DNAH17: variants seen among roughly 807,000 people sequenced by gnomAD.
The protein encoded by DNAH17 is dynein axonemal heavy chain 17, also known as axonemal beta dynein heavy chain 17.
In DNAH17, 376 loss-of-function variants were observed where a neutral mutation model predicts 485.6. That is an observed-to-expected ratio of 0.77 (90% CI 0.71 to 0.84). DNAH17 has a LOEUF of 0.84. DNAH17 is among the 40% of genes least tolerant of loss of function. DNAH17 has a pLI of 0.00. For synonymous variants in DNAH17, 3,031 were observed against 2,405.9 expected, an observed-to-expected ratio of 1.26 and a Z score of -7.60; for missense variants, 6,370 against 5,839.3, an observed-to-expected ratio of 1.09 and a Z score of -2.96.
At chr17:78,491,098 C>G (rs1348596396) in intron 43 of DNAH17, among the ~76,000 whole-genome samples, 1 of 152,186 alleles carries the variant, frequency 6.6e-6, no homozygotes, top group Non-Finnish European at 1.5e-5. Flanking sequence ...CAAACCATCA[C>G]CCCTCCCCAT....
intron 55 of DNAH17, among the ~76,000 whole-genome samples, chr17:78,467,496 CA>C (rs1258684687): frequency 3.3e-5 from 5 of 152,320 alleles, no homozygotes; most frequent in South Asian, 2.1e-4. Flanking sequence ...CAGCACCTAT[CA>C]GGGGATGCCT....
chr17:78,426,003 T>G (rs2086440977), intron 79 of DNAH17, among the ~76,000 whole-genome samples: 1 of 152,178 alleles, frequency 6.6e-6, no homozygotes, highest in South Asian at 2.1e-4. Context: ...CTTCAAGTGA[T>G]CTGCCTGCCT....
intron 13 of DNAH17, among the ~76,000 whole-genome samples, chr17:78,558,652 G>A (rs946833654): frequency 2.0e-5 from 3 of 152,032 alleles, no homozygotes; most frequent in Admixed American, 6.5e-5. Flanking sequence ...CACCATGGGT[G>A]GCTGACATCA....
In DNAH17 at chr17:78,486,279, A is replaced by C; in HGVS notation, c.7046T>G (p.Leu2349Arg). The change falls in exon 45 of 81, where the codon CTG becomes CGG. Residue 2349 changes from leucine (L) to arginine (R), a missense_variant. Physicochemically the swap from Leu to Arg is moderately radical, Grantham distance 102. Transcript: ENST00000389840. ...PPDSPRELYE[L>R]YFVFTCFWAF... is the part of the protein sequence containing the mutation. ...CCAGAAGCAGGTGAACACGAAGTAC[A>C]GCTCGTACAGCTCCCTGGGGGAGTC... 6.2e-7 allele frequency: 1 copy of C among 1,609,046 alleles called. No homozygotes were observed. Among genetic ancestry groups the C allele is most frequent in the Non-Finnish European group, 8.5e-7 (1 of 1,176,230 alleles).
Position 78,475,819 on chromosome 17 carries a change from T to G in DNAH17, c.8169A>C (p.Glu2723Asp), listed in dbSNP as rs776191221. The change falls in exon 53 of 81, where the codon GAA (glutamate) becomes GAC (aspartate). Residue 2723 changes from glutamate to aspartate, a missense_variant. Coordinates refer to ENST00000389840, the MANE Select transcript of DNAH17 (RefSeq NM_173628.4). ...TKKFFDDLGD[E>D]LLFAKPNIFC... ...AGATATTTGGCTTGGCAAATAAGAG[T>G]TCATCACCAAGATCCTAGAAAAAGA... 3 of 1,612,302 alleles carry G rather than the reference T, an allele frequency of 1.9e-6. No homozygotes were observed. The highest frequency in any genetic ancestry group is 2.5e-6 in the Non-Finnish European group (3 of 1,179,390).
At chr17:78,483,934 T>TA (rs1177921881) in intron 48 of DNAH17, among the ~76,000 whole-genome samples, 1 of 151,308 alleles carries the variant, frequency 6.6e-6, no homozygotes, top group Non-Finnish European at 1.5e-5. Context: ...CCTTCTCTAC[T>TA]AAAAGTACAA....
chr17:78,565,356 C>T (rs2092245869), intron 11 of DNAH17, among the ~76,000 whole-genome samples: 2 of 152,240 alleles, frequency 1.3e-5, no homozygotes, highest in African/African-American at 4.8e-5. Flanking sequence ...CCAACTCGAT[C>T]CAAGACTTAC....
intron 77 of DNAH17, among the ~76,000 whole-genome samples, chr17:78,427,541 G>GT (rs1166226197): frequency 4.6e-5 from 7 of 152,204 alleles, no homozygotes; most frequent in African/African-American, 1.4e-4. Flanking sequence ...CCGTCTGTCA[G>GT]CCAATTCCTG....
chr17:78,503,705 T>G (rs1027009952), intron 31 of DNAH17, among the ~76,000 whole-genome samples: 1 of 151,688 alleles, frequency 6.6e-6, no homozygotes, highest in Non-Finnish European at 1.5e-5. Context: ...GTGGCTCATG[T>G]CTGTAATCCC....
intron 60 of DNAH17, 74 bp downstream of exon 60, chr17:78,459,710 C>T: frequency 1.3e-6 from 2 of 1,540,842 alleles, no homozygotes; most frequent in South Asian, 1.1e-5. Context: ...GGCCATGCTT[C>T]ACCTCAGCAT....
intron 80 of DNAH17, 44 bp downstream of exon 80, chr17:78,425,302 A>G (rs1221416077): frequency 6.3e-7 from 1 of 1,577,644 alleles, no homozygotes; most frequent in Non-Finnish European, 8.7e-7. Context: ...GGCAAGTAGC[A>G]CTGGCTCTGG....
In DNAH17 at chr17:78,526,733, T is replaced by C; in HGVS notation, c.3629A>G (p.Lys1210Arg). The C allele has an allele frequency of 6.2e-7, 1 of 1,606,102 alleles. No homozygotes were observed. The change falls in exon 24 of 81, where the codon AAG becomes AGG. Residue 1210 changes from lysine (K) to arginine (R), a missense_variant. Lys to Arg is a conservative substitution (Grantham distance 26). Transcript: ENST00000389840. ...GAACCTCTCCCTGAACTCATGTTGC[T>C]TGAGCTGCGAGAGAAGAGTGCAAAG... ...LRRKCQQFEL[K>R]QHEFRERFRR...
At position 78,532,524 on chromosome 17, in the gene DNAH17, G is replaced by A; in HGVS notation, c.3072C>T (p.Thr1024=). ...AEDLDTWTDD[T]IPKTPPTLAQ... is the part of the protein sequence containing the mutation. ...CCAGGGTGGGCGGTGTCTTGGGGAT[G>A]GTGTCATCTGTCCAGGTGTCCAAGT... The change falls in exon 20 of 81, where the codon ACC becomes ACT. Residue 1024 remains threonine, a synonymous_variant. Transcript: ENST00000389840. 1 of 1,611,270 alleles carries A rather than the reference G, an allele frequency of 6.2e-7. No homozygotes were observed. The highest frequency in any genetic ancestry group is 1.1e-5 in the South Asian group (1 of 90,414).
In DNAH17 at chr17:78,571,326, C is replaced by T; in HGVS notation, c.785G>A (p.Ser262Asn). 1 of 1,613,950 alleles carries T rather than the reference C, an allele frequency of 6.2e-7. No homozygotes were observed. The highest frequency in any genetic ancestry group is 8.5e-7 in the Non-Finnish European group (1 of 1,179,872). Residue 262 changes from serine (S) to asparagine (N), a missense_variant, in exon 5 of 81, where the codon AGC becomes AAC. Coordinates refer to ENST00000389840, the MANE Select transcript of DNAH17 (RefSeq NM_173628.4). ...KIVEILEKAK[S>N]CYWPALQNVY... is the part of the protein sequence containing the mutation. Reference sequence around the variant, plus strand: ...GTTTTGCAGGGCTGGCCAGTAGCAGCTTTTGGCTTTCTCTAGGATCTCAAC... The same window carrying T: ...GTTTTGCAGGGCTGGCCAGTAGCAGTTTTTGGCTTTCTCTAGGATCTCAAC...
intron 71 of DNAH17, among the ~76,000 whole-genome samples, chr17:78,442,334 G>C (rs1225874330): frequency 1.3e-5 from 2 of 152,166 alleles, no homozygotes; most frequent in Non-Finnish European, 2.9e-5. Flanking sequence ...GGGACACCTG[G>C]ATCTGCTATT....
chr17:78,496,572 A>C (rs1354954028), intron 37 of DNAH17: 9 of 139,808 alleles, frequency 6.4e-5, no homozygotes, highest in Admixed American at 5.8e-4. Flanking sequence ...CCTCCGTTTG[A>C]CCCCTGGCAA....
intron 77 of DNAH17, chr17:78,428,280 A>G (rs573993717): frequency 4.5e-5 from 25 of 559,140 alleles, no homozygotes; most frequent in Non-Finnish European, 6.5e-5. Context: ...AGCCGCATCC[A>G]CACCCCCAAG....
chr17:78,499,236 G>T, intron 36 of DNAH17, 124 bp from the exon 37 acceptor site: 1 of 648,010 alleles, frequency 1.5e-6, no homozygotes. Context: ...AGGCCCCGGT[G>T]CATTGGAGCC....
intron 31 of DNAH17, among the ~76,000 whole-genome samples, chr17:78,503,464 C>T (rs2090376331): frequency 6.6e-6 from 1 of 151,510 alleles, no homozygotes. Flanking sequence ...GGATTACAGG[C>T]ATGAGCCACC....
Sources: allele counts gnomAD v4.1 joint callset (sites outside exome capture counted in the v4.1 genomes callset), GRCh38; gene constraint gnomAD v4.1.1; transcripts MANE v1.5; gene names NCBI Gene and HGNC (gene_info 2026-07-23, HGNC 2026-07-21).